UGT1A10: variants seen among roughly 807,000 people sequenced by gnomAD.
UGT1A10 encodes UDP glucuronosyltransferase family 1 member A10, also known as UDP-glucuronosyltransferase 1A10.
A neutral mutation model predicts 45.8 loss-of-function variants in UGT1A10; 49 were observed. The observed-to-expected ratio is 1.07, with a 90% CI of 0.85 to 1.36. The LOEUF is 1.36. Ranked by LOEUF, UGT1A10 falls within the 40% of genes most tolerant of loss-of-function variation. The pLI is 0.00. For missense variants in UGT1A10, 745 were observed against 668.6 expected, an observed-to-expected ratio of 1.11 and a Z score of -1.26; for synonymous variants, 284 against 249.7, an observed-to-expected ratio of 1.14 and a Z score of -1.29.
intron 1 of UGT1A10, chr2:233,717,750 C>A (rs1480430133): frequency 6.6e-6 from 3 of 456,544 alleles, no homozygotes; most frequent in East Asian, 1.4e-4. Context: ...AGGGTCTCCC[C>A]CTAGAAAGGC....
intron 1 of UGT1A10, chr2:233,740,822 C>A (rs1691482429): frequency 1.3e-5 from 2 of 151,840 alleles, no homozygotes; most frequent in Non-Finnish European, 2.9e-5. Flanking sequence ...TGTTTTTGAG[C>A]TGAGACATTT....
intron 1 of UGT1A10, chr2:233,754,616 C>G (rs899223660): frequency 6.8e-6 from 3 of 438,446 alleles, no homozygotes; most frequent in African/African-American, 6.2e-5. Flanking sequence ...CTCCATCTTC[C>G]TCCACTTCCA....
chr2:233,644,134 A>G (rs569497279), intron 1 of UGT1A10, among the ~76,000 whole-genome samples: 23 of 152,116 alleles, frequency 1.5e-4, no homozygotes, highest in South Asian at 1.5e-3. Flanking sequence ...CTCACCTAAG[A>G]GTTGCAATCT....
In UGT1A10 at chr2:233,655,695, C is replaced by T. The variant is rs28969697; in HGVS notation, c.855+18318C>T. On this transcript the variant is annotated intron_variant, in intron 1 of 4. Coordinates refer to ENST00000344644, the MANE Select transcript of UGT1A10 (RefSeq NM_019075.4). ...TGTCCTGGTCTCCCTGAAGCAAGGA[C>T]GCCTCTCTGGCCTCAGGGTGCCTGT... 5.0e-3 allele frequency among the ~76,000 whole-genome samples: 764 copies of T among 152,284 alleles called. 6 individuals are homozygous for T. The highest frequency in any genetic ancestry group is 0.017 in the African/African-American group (713 of 41,568).
rs756012859 is a variant in UGT1A10 at position 233,636,784 on chromosome 2, C to G, written c.262C>G (p.Arg88Gly). The G allele has an allele frequency of 6.2e-7, 1 of 1,614,138 alleles. No individual in the cohort carries two copies. Among genetic ancestry groups the G allele is most frequent in the East Asian group, 2.2e-5 (1 of 44,886 alleles). ...STSYTLEDQN[R>G]EFMVFAHAQW... is the part of the protein sequence containing the mutation. ...CTCGTACACTCTGGAAGATCAGAAC[C>G]GGGAATTCATGGTTTTCGCCCATGC... Residue 88 changes from arginine to glycine, a missense_variant, in exon 1 of 5, where the codon CGG (arginine) becomes GGG (glycine). Arg to Gly is a moderately radical substitution (Grantham distance 125). Transcript: ENST00000344644.
At chr2:233,754,489 A>G (rs1289708374) in intron 1 of UGT1A10, 4 of 357,158 alleles carry the variant, frequency 1.1e-5, no homozygotes, top group Non-Finnish European at 1.1e-5. Flanking sequence ...TTTCAATCCT[A>G]AAAAAAGTCC....
At chr2:233,747,889 C>G (rs1274333143) in intron 1 of UGT1A10, 6 of 1,613,432 alleles carry the variant, frequency 3.7e-6, no homozygotes, top group Non-Finnish European at 4.2e-6. Context: ...CTTTGCCATG[C>G]TCTTTCTGCT....
chr2:233,684,049 C>A (rs1387800184), intron 1 of UGT1A10, among the ~76,000 whole-genome samples: 1 of 152,098 alleles, frequency 6.6e-6, no homozygotes, highest in East Asian at 1.9e-4. Flanking sequence ...AGGTGAAACA[C>A]CTGGTGTCTG....
intron 1 of UGT1A10, among the ~76,000 whole-genome samples, chr2:233,750,295 C>T (rs1409213003): frequency 3.3e-5 from 5 of 151,894 alleles, no homozygotes; most frequent in African/African-American, 1.2e-4. Context: ...GCATTTTGCC[C>T]CTGCCCTAGA....
intron 1 of UGT1A10, among the ~76,000 whole-genome samples, chr2:233,642,651 C>G (rs2073480831): frequency 1.3e-5 from 2 of 152,164 alleles, no homozygotes; most frequent in African/African-American, 2.4e-5. Context: ...TTATTTGTAG[C>G]CGTCCTTCTT....
chr2:233,672,575 T>G (rs369779434), intron 1 of UGT1A10: 1 of 1,613,968 alleles, frequency 6.2e-7, no homozygotes, highest in Non-Finnish European at 8.5e-7. Context: ...ATCATGCACT[T>G]GGAGGAACAT....
intron 1 of UGT1A10, among the ~76,000 whole-genome samples, chr2:233,641,935 T>C (rs979215638): frequency 6.6e-6 from 1 of 152,228 alleles, no homozygotes; most frequent in Non-Finnish European, 1.5e-5. Flanking sequence ...TAGAATCTTT[T>C]CTTTATCCTT....
chr2:233,696,415 T>C (rs2075342407), intron 1 of UGT1A10, among the ~76,000 whole-genome samples: 1 of 152,248 alleles, frequency 6.6e-6, no homozygotes, highest in Admixed American at 6.5e-5. Context: ...GTTGATTTCC[T>C]TTTCAGTTTT....
At chr2:233,693,514 C>T in intron 1 of UGT1A10, 16 of 1,614,208 alleles carry the variant, frequency 9.9e-6, no homozygotes, top group Non-Finnish European at 1.4e-5. Context: ...CTGTGTACCT[C>T]TTCAGGGGTT....
chr2:233,717,481 G>A (rs914906580), intron 1 of UGT1A10, among the ~76,000 whole-genome samples: 2 of 152,216 alleles, frequency 1.3e-5, no homozygotes, highest in Admixed American at 6.5e-5. Flanking sequence ...TCCAAAGGTG[G>A]AATCTGTTAT....
chr2:233,656,883 C>T (rs887557294), intron 1 of UGT1A10, among the ~76,000 whole-genome samples: 41 of 152,088 alleles, frequency 2.7e-4, no homozygotes, highest in African/African-American at 9.2e-4. Context: ...TGCAGATAAA[C>T]ACGCACATGC....
At chr2:233,666,122 G>A (rs567900779) in intron 1 of UGT1A10, among the ~76,000 whole-genome samples, 1 of 152,330 alleles carries the variant, frequency 6.6e-6, no homozygotes, top group South Asian at 2.1e-4. Context: ...AGGGTGGAGG[G>A]TGCTGATCAC....
At chr2:233,714,671 C>T (rs1376382051) in intron 1 of UGT1A10, among the ~76,000 whole-genome samples, 2 of 152,144 alleles carry the variant, frequency 1.3e-5, no homozygotes, top group Non-Finnish European at 2.9e-5. Context: ...AGATGTATCC[C>T]AAATATTATC....
At position 233,663,137 on chromosome 2, in the gene UGT1A10, A is replaced by G. The variant is rs565348749; in HGVS notation, c.855+25760A>G. On this transcript the variant is annotated intron_variant, in intron 1 of 4. Coordinates refer to ENST00000344644, the MANE Select transcript of UGT1A10 (RefSeq NM_019075.4). ...GGGACCCATTAAACAATAATTGCCC[A>G]TTCCCCTCTCCTCCAAGCCCTGGTG... Among the ~76,000 whole-genome samples, 19 of 152,174 alleles carry G rather than the reference A, an allele frequency of 1.2e-4. No individual in the cohort carries two copies. In the South Asian group the frequency reaches 3.9e-3, roughly 32 times the overall value.
Sources: gnomAD v4.1 joint callset for allele counts (sites outside exome capture counted in the v4.1 genomes callset) on GRCh38, gnomAD v4.1.1 for gene constraint, MANE v1.5 for transcripts, NCBI Gene and HGNC (gene_info 2026-07-23, HGNC 2026-07-21) for gene names.